CELF2: variants seen among roughly 807,000 people sequenced by gnomAD.
CELF2 encodes the protein CUG triplet repeat RNA-binding protein 2.
In CELF2, 8 loss-of-function variants were observed where a neutral mutation model predicts 62.6. That is an observed-to-expected ratio of 0.13 (90% CI 0.07 to 0.23). CELF2 has a LOEUF of 0.23. Among genes scored for constraint, CELF2 ranks in the 10% least tolerant of loss-of-function variants. The probability of loss-of-function intolerance (pLI) is 1.00; values close to 1 mark genes in which losing one functional copy is unlikely to be tolerated. For synonymous variants in CELF2, 258 were observed against 250.0 expected (o/e 1.03, Z -0.30); for missense variants, 333 against 671.0 (o/e 0.50, Z 5.56).
rs1045437115 is a variant in CELF2, at chr10:11,311,919, G to T, written c.977-2220G>T. Among the ~76,000 whole-genome samples, 6 of 152,134 alleles carry T rather than the reference G, an allele frequency of 3.9e-5. No individual in the cohort carries two copies. Among genetic ancestry groups the T allele is most frequent in the Non-Finnish European group, 7.3e-5 (5 of 68,030 alleles). On this transcript the variant is annotated intron_variant, in intron 9 of 12. Transcript: ENST00000633077. This position sits in a 1 kb window ranked among gnomAD's most constrained non-coding sequence, Gnocchi z 4.7. ...CAAGAACTTTTCAGAACTGATAAAA[G>T]GTAGAAACAAAAATCCACATATTCA... is the stretch of plus-strand genomic sequence containing the variant.
rs535509144 is a variant in CELF2 at position 11,300,567 on chromosome 10, A to G, written c.976+12015A>G. Among the ~76,000 whole-genome samples the G allele has an allele frequency of 2.6e-5, 4 of 151,840 alleles. No individual in the cohort carries two copies. Among genetic ancestry groups the G allele is most frequent in the Non-Finnish European group, 5.9e-5 (4 of 67,994 alleles). ...CACCCCGCCCCTCCCTGCCCAAACT[A>G]TCTTCGAGGGACTAAATTAAAATGA... On this transcript the variant is annotated intron_variant, in intron 9 of 12. Transcript: ENST00000633077. The surrounding 1 kb of genome is among the most constrained non-coding windows in gnomAD (Gnocchi z 5.5).
the CELF2 span, among the ~76,000 whole-genome samples, chr10:10,628,788 A>G: frequency 1.3e-5 from 2 of 152,164 alleles, no homozygotes; most frequent in Non-Finnish European, 2.9e-5. Context: ...TATGTAACAA[A>G]CCTGCACATT....
rs2140982177 is a variant in CELF2 at position 11,321,510 on chromosome 10, AT to A, written c.1294+126del. 2 of 734,438 alleles carry A rather than the reference AT, an allele frequency of 2.7e-6. No homozygotes were observed. Among genetic ancestry groups the A allele is most frequent in the South Asian group, 4.1e-5 (2 of 49,356 alleles). 45.5% of individuals were successfully genotyped at this position (734,438 alleles called of 1,614,324 possible). On this transcript the variant is annotated intron_variant, in intron 11 of 12. Transcript: ENST00000633077. The surrounding 1 kb of genome is among the most constrained non-coding windows in gnomAD (Gnocchi z 6.2). Reference sequence around the variant, plus strand: ...CATAACAGAAAGCAGTTGTTTTGTTATTCATGTTTAAAAAAAAAAAAAACTG... The same window carrying A: ...CATAACAGAAAGCAGTTGTTTTGTTATCATGTTTAAAAAAAAAAAAAACTG...
At chr10:11,056,531 A>T (rs1036913868) in intron 1 of CELF2, among the ~76,000 whole-genome samples, 1 of 152,266 alleles carries the variant, frequency 6.6e-6, no homozygotes, top group Non-Finnish European at 1.5e-5. Flanking sequence ...GAGAGCAAGA[A>T]AGATGGATGT....
chr10:10,960,253 C>T (rs914193367), intron 2 of CELF2: 3 of 152,218 alleles, frequency 2.0e-5, no homozygotes, highest in African/African-American at 4.8e-5. Context: ...GCAACCCACC[C>T]TTGTGGCAGG....
intron 2 of CELF2, among the ~76,000 whole-genome samples, chr10:11,187,596 C>T (rs1472148520): frequency 6.7e-6 from 1 of 150,312 alleles, no homozygotes; most frequent in East Asian, 2.0e-4. Context: ...CCTGTTCTTC[C>T]CTTTTGCCTC....
chr10:10,511,705 T>A, the CELF2 span, among the ~76,000 whole-genome samples: 2 of 152,144 alleles, frequency 1.3e-5, no homozygotes, highest in Admixed American at 6.5e-5. Flanking sequence ...TCAATCTATC[T>A]GCATCTCAGT....
intron 1 of CELF2, among the ~76,000 whole-genome samples, chr10:10,901,821 T>G (rs1485646139): frequency 1.3e-5 from 2 of 152,198 alleles, no homozygotes; most frequent in Non-Finnish European, 2.9e-5. Context: ...GGTTTTTGCC[T>G]TTACTTTCAA....
At chr10:11,257,899 C>T (rs1235899720) in intron 5 of CELF2, 27 bp downstream of exon 5, 1 of 1,613,042 alleles carries the variant, frequency 6.2e-7, no homozygotes, top group Non-Finnish European at 8.5e-7. Context: ...GAAAGCCTCT[C>T]CCCTTCAGTG....
chr10:11,311,880 G>C lies in CELF2; in HGVS notation c.977-2259G>C, dbSNP rs2094578761. On this transcript the variant is annotated intron_variant, in intron 9 of 12. Transcript: ENST00000633077. This position sits in a 1 kb window ranked among gnomAD's most constrained non-coding sequence, Gnocchi z 4.7. ...AGAGAATGGGGGAAAGTCAATATAA[G>C]AGCAGCTAATAACCAAGAACTTTTC... Among the ~76,000 whole-genome samples the C allele has an allele frequency of 6.6e-6, 1 of 152,046 alleles. No homozygotes were observed. The highest frequency in any genetic ancestry group is 2.4e-5 in the African/African-American group (1 of 41,402).
At chr10:11,035,234 T>G (rs1285618118) in intron 1 of CELF2, among the ~76,000 whole-genome samples, 9 of 152,192 alleles carry the variant, frequency 5.9e-5, no homozygotes, top group Non-Finnish European at 4.4e-5. Context: ...CTCCAAGCCG[T>G]CTTCTTACCT....
chr10:10,727,373 G>A, the CELF2 span, among the ~76,000 whole-genome samples: 1 of 152,018 alleles, frequency 6.6e-6, no homozygotes, highest in Middle Eastern at 3.2e-3. Context: ...AATATTTCCC[G>A]CATCATTTCT....
chr10:10,932,800 T>C (rs775652220), intron 2 of CELF2, among the ~76,000 whole-genome samples: 5 of 152,104 alleles, frequency 3.3e-5, no homozygotes, highest in Non-Finnish European at 7.4e-5. Context: ...AAGAATATCA[T>C]TGGAGGGAAT....
At chr10:10,595,349 T>G in the CELF2 span, among the ~76,000 whole-genome samples, 1 of 152,134 alleles carries the variant, frequency 6.6e-6, no homozygotes, top group Non-Finnish European at 1.5e-5. Context: ...AAGGCTGTGC[T>G]GGGACCAGGT....
chr10:10,779,497 T>C, the CELF2 span, among the ~76,000 whole-genome samples: 17 of 152,290 alleles, frequency 1.1e-4, no homozygotes, highest in African/African-American at 3.1e-4. Flanking sequence ...TCTTTTTTTT[T>C]CCCTTCCTTT....
intron 1 of CELF2, among the ~76,000 whole-genome samples, chr10:10,901,153 G>T (rs1564791609): frequency 6.6e-6 from 1 of 152,164 alleles, no homozygotes; most frequent in Admixed American, 6.5e-5. Flanking sequence ...CATCCCAAGA[G>T]GATTTTTCGG....
chr10:11,135,042 G>C lies in CELF2; in HGVS notation c.75-30444G>C, dbSNP rs184284885. Reference sequence around the variant, plus strand: ...ACCTTCACAAAATCCTTAAAGGTTAGTCTTGTAGATGGGTGTTAGGTTGAC... The same window carrying C: ...ACCTTCACAAAATCCTTAAAGGTTACTCTTGTAGATGGGTGTTAGGTTGAC... On this transcript the variant is annotated intron_variant, in intron 1 of 12. Coordinates refer to ENST00000633077, the MANE Select transcript of CELF2 (RefSeq NM_001326342.2). 4.6e-5 allele frequency among the ~76,000 whole-genome samples: 7 copies of C among 152,292 alleles called. No homozygotes were observed. In the East Asian group the frequency reaches 1.3e-3, roughly 29 times the overall value.
intron 9 of CELF2, among the ~76,000 whole-genome samples, chr10:11,298,051 T>C (rs144507125): frequency 1.3e-5 from 2 of 152,352 alleles, no homozygotes; most frequent in Non-Finnish European, 2.9e-5. Flanking sequence ...TTTTATGTTT[T>C]TGTTTTAAGA....
At chr10:11,292,744 A>C (rs2092686461) in intron 9 of CELF2, among the ~76,000 whole-genome samples, 1 of 152,112 alleles carries the variant, frequency 6.6e-6, no homozygotes, top group African/African-American at 2.4e-5. Context: ...AACTTGCCCC[A>C]CAGACCTGCC....
Sources: allele counts gnomAD v4.1 joint callset (sites outside exome capture counted in the v4.1 genomes callset), GRCh38; gene constraint gnomAD v4.1.1; non-coding constraint Gnocchi (gnomAD v3.1); transcripts MANE v1.5; gene names NCBI Gene and HGNC (gene_info 2026-07-23, HGNC 2026-07-21).